The following CDH18 variants were observed in gnomAD, a reference collection of about 807,000 sequenced individuals.
CDH18 encodes the protein cadherin-18.
Under a neutral mutation model 67.9 loss-of-function variants are expected in CDH18, and 31 were observed. The observed-to-expected ratio is 0.46, with a 90% confidence interval of 0.34 to 0.62. The LOEUF is 0.62. Ranked by LOEUF, CDH18 falls within the 20% of genes least tolerant of loss-of-function variation. The pLI is 0.01. For synonymous variants in CDH18, 362 were observed against 347.2 expected, an observed-to-expected ratio of 1.04 and a Z score of -0.48; for missense variants, 890 against 975.5, an observed-to-expected ratio of 0.91 and a Z score of 1.17.
rs149163015 is a variant in CDH18, at chr5:19,642,029, G to A, written c.644-29428C>T. On this transcript the variant is annotated intron_variant, in intron 5 of 12. Transcript: ENST00000382275. ...CCAAATCAGTACATCAAAATAATTT[G>A]TGTTGCTATACAAAAACAATGAATT... Among the ~76,000 whole-genome samples, 392 of 151,926 alleles carry A rather than the reference G, an allele frequency of 2.6e-3. 2 individuals are homozygous for A. The highest frequency in any genetic ancestry group is 9.0e-3 in the African/African-American group (374 of 41,488).
chr5:20,438,284 G>GTT (rs1749336825), intron 1 of CDH18, among the ~76,000 whole-genome samples: 1 of 150,598 alleles, frequency 6.6e-6, no homozygotes, highest in Non-Finnish European at 1.5e-5. Context: ...TTGTGTGTGT[G>GTT]TTTGTGGAAC....
chr5:20,256,017 C>A (rs925639113), intron 1 of CDH18, among the ~76,000 whole-genome samples: 1 of 151,072 alleles, frequency 6.6e-6, no homozygotes. Context: ...TTCAGTATAA[C>A]CTAAAGTATA....
intron 1 of CDH18, among the ~76,000 whole-genome samples, chr5:20,375,505 C>T (rs1743340940): frequency 6.6e-6 from 1 of 152,132 alleles, no homozygotes; most frequent in Admixed American, 6.5e-5. Flanking sequence ...ACAATAACAA[C>T]AACAAGCAAC....
chr5:19,734,381 A>G (rs934735296), intron 4 of CDH18, among the ~76,000 whole-genome samples: 2 of 152,116 alleles, frequency 1.3e-5, no homozygotes, highest in Non-Finnish European at 2.9e-5. Context: ...ATATTTGTCT[A>G]TTGATAAGAA....
intron 2 of CDH18, among the ~76,000 whole-genome samples, chr5:20,231,480 C>G (rs1049877629): frequency 3.3e-5 from 5 of 151,686 alleles, no homozygotes; most frequent in Non-Finnish European, 5.9e-5. Flanking sequence ...GCTCCTGTAA[C>G]CCCAGCTACT....
intron 2 of CDH18, among the ~76,000 whole-genome samples, chr5:19,865,487 A>C (rs1275101606): frequency 6.6e-6 from 1 of 152,148 alleles, no homozygotes; most frequent in African/African-American, 2.4e-5. Flanking sequence ...TTACTCTTCT[A>C]GCTGTGACAG....
chr5:19,619,370 AAC>A (rs137921183), intron 5 of CDH18, among the ~76,000 whole-genome samples: 175 of 152,278 alleles, frequency 1.1e-3, no homozygotes, highest in African/African-American at 4.0e-3. Context: ...ATAAACACAA[AAC>A]ACAGACTTCA....
At chr5:19,487,937 G>A (rs1430518519) in intron 11 of CDH18, among the ~76,000 whole-genome samples, 1 of 151,990 alleles carries the variant, frequency 6.6e-6, no homozygotes, top group African/African-American at 2.4e-5. Context: ...AATGTTGTGG[G>A]GCTATTTCAC....
At chr5:19,740,589 TTA>T (rs1768978291) in intron 4 of CDH18, among the ~76,000 whole-genome samples, 2 of 152,138 alleles carry the variant, frequency 1.3e-5, no homozygotes, top group South Asian at 4.1e-4. Flanking sequence ...ATTGCTAATT[TTA>T]TGTCTTTGTA....
intron 6 of CDH18, 111 bp from the exon 7 acceptor site, chr5:19,591,355 T>C (rs890966815): frequency 3.4e-6 from 2 of 580,114 alleles, no homozygotes; most frequent in African/African-American, 3.8e-5. Context: ...TATTAGGTAA[T>C]GCATCAAATG....
chr5:19,960,399 A>T lies in CDH18; in HGVS notation c.-257+20661T>A, dbSNP rs1263337863. Reference sequence around the variant, plus strand: ...ATCAGGCCTATGCTAGCTCATGATCATCAAAATCAATGTTTTCCACCTGCA... The same window carrying T: ...ATCAGGCCTATGCTAGCTCATGATCTTCAAAATCAATGTTTTCCACCTGCA... On this transcript the variant is annotated intron_variant, in intron 2 of 12. Coordinates refer to ENST00000382275, the MANE Select transcript of CDH18 (RefSeq NM_004934.5). Among the ~76,000 whole-genome samples the T allele has an allele frequency of 2.6e-5, 4 of 151,700 alleles. No individual in the cohort carries two copies. In the South Asian group the frequency reaches 6.2e-4, roughly 24 times the overall value.
intron 5 of CDH18, among the ~76,000 whole-genome samples, chr5:19,693,252 G>A (rs963845164): frequency 6.6e-6 from 1 of 151,954 alleles, no homozygotes; most frequent in South Asian, 2.1e-4. Flanking sequence ...GTTAATTATA[G>A]TCTTACTACT....
At chr5:19,743,112 T>C (rs1038792496) in intron 4 of CDH18, among the ~76,000 whole-genome samples, 2 of 152,194 alleles carry the variant, frequency 1.3e-5, no homozygotes, top group African/African-American at 4.8e-5. Flanking sequence ...CACAGCTGTA[T>C]TCTCTAACAA....
intron 2 of CDH18, among the ~76,000 whole-genome samples, chr5:20,009,197 G>A (rs543227510): frequency 6.6e-6 from 1 of 152,116 alleles, no homozygotes; most frequent in East Asian, 1.9e-4. Flanking sequence ...AAGCCGATGG[G>A]AGAAAATGAT....
chr5:19,818,536 T>C (rs1779530028), intron 3 of CDH18, among the ~76,000 whole-genome samples: 1 of 152,198 alleles, frequency 6.6e-6, no homozygotes, highest in Non-Finnish European at 1.5e-5. Flanking sequence ...TCGTGCTTCA[T>C]TTAAGGATGG....
chr5:19,998,505 T>C (rs1039514299), intron 2 of CDH18, among the ~76,000 whole-genome samples: 12 of 152,168 alleles, frequency 7.9e-5, no homozygotes, highest in African/African-American at 2.9e-4. Context: ...ATAGGACCAT[T>C]AGATATCAAC....
chr5:20,574,001 A>T (rs1758975853), intron 1 of CDH18, among the ~76,000 whole-genome samples: 1 of 149,238 alleles, frequency 6.7e-6, no homozygotes, highest in African/African-American at 2.4e-5. Context: ...AAAAACAAAA[A>T]CATCACTATT....
At chr5:20,268,335 C>T (rs1235114708) in intron 1 of CDH18, among the ~76,000 whole-genome samples, 1 of 152,058 alleles carries the variant, frequency 6.6e-6, no homozygotes, top group Non-Finnish European at 1.5e-5. Flanking sequence ...AAGATCAAAT[C>T]CTCAGCAAAC....
chr5:20,363,199 A>G (rs1742228393), intron 1 of CDH18, among the ~76,000 whole-genome samples: 2 of 152,276 alleles, frequency 1.3e-5, no homozygotes, highest in Admixed American at 6.5e-5. Flanking sequence ...AAAAGCCAGC[A>G]TGTGGCCAGG....
Sources: gnomAD v4.1 joint callset for allele counts (sites outside exome capture counted in the v4.1 genomes callset) on GRCh38, gnomAD v4.1.1 for gene constraint, MANE v1.5 for transcripts, NCBI Gene and HGNC (gene_info 2026-07-23, HGNC 2026-07-21) for gene names.